Variants in RELN observed in about 807,000 individuals in gnomAD.
The protein encoded by RELN is reelin.
RELN carries 108 observed loss-of-function variants against 427.6 expected under a neutral mutation model. The ratio of observed to expected loss-of-function variants is 0.25; its 90% CI spans 0.22 to 0.30. The LOEUF (loss-of-function observed/expected upper bound fraction) is 0.30, where lower values mean the gene tolerates loss of function less well. Ranked by LOEUF, RELN falls within the 10% of genes least tolerant of loss-of-function variation. The pLI is 1.00. For synonymous variants in RELN, 1,524 were observed against 1,513.4 expected, an observed-to-expected ratio of 1.01 and a Z score of -0.16; for missense variants, 3,715 against 4,302.8, an observed-to-expected ratio of 0.86 and a Z score of 3.82.
At chr7:103,910,470 C>T (rs1795339841) in intron 2 of RELN, among the ~76,000 whole-genome samples, 1 of 151,918 alleles carries the variant, frequency 6.6e-6, no homozygotes, top group African/African-American at 2.4e-5. Context: ...GTGGTGAGAT[C>T]ATGACTTTCT....
chr7:103,865,991 A>T (rs1584311700), intron 2 of RELN, among the ~76,000 whole-genome samples: 1 of 152,286 alleles, frequency 6.6e-6, no homozygotes, highest in Admixed American at 6.5e-5. Flanking sequence ...AACCTTGATC[A>T]ATGTACCTAA....
chr7:103,830,673 A>C (rs1427281631), intron 3 of RELN, among the ~76,000 whole-genome samples: 1 of 152,054 alleles, frequency 6.6e-6, no homozygotes, highest in Non-Finnish European at 1.5e-5. Flanking sequence ...AAAGGTAAAA[A>C]ATTGCAAGAA....
intron 20 of RELN, among the ~76,000 whole-genome samples, chr7:103,622,904 T>C (rs1584353240): frequency 1.3e-5 from 2 of 152,314 alleles, no homozygotes; most frequent in Admixed American, 1.3e-4. Flanking sequence ...CAACACTAAT[T>C]GCTACACTTT....
intron 6 of RELN, among the ~76,000 whole-genome samples, chr7:103,732,646 T>A (rs1463164800): frequency 2.0e-5 from 3 of 152,116 alleles, no homozygotes; most frequent in Non-Finnish European, 4.4e-5. Context: ...AACTTATGGA[T>A]ATAAATAAAC....
At chr7:103,527,841 G>A (rs1829855332) in intron 46 of RELN, among the ~76,000 whole-genome samples, 1 of 152,186 alleles carries the variant, frequency 6.6e-6, no homozygotes, top group Non-Finnish European at 1.5e-5. Context: ...AACATCATCA[G>A]CCTTTAGGGA....
intron 4 of RELN, among the ~76,000 whole-genome samples, chr7:103,756,241 T>C (rs1281137935): frequency 1.3e-5 from 2 of 152,166 alleles, no homozygotes; most frequent in South Asian, 2.1e-4. Flanking sequence ...AACATATACA[T>C]CACAATCAGC....
chr7:103,512,963 C>T (rs1334747481), intron 50 of RELN: 5 of 152,116 alleles, frequency 3.3e-5, no homozygotes, highest in East Asian at 1.9e-4. Flanking sequence ...GTATATATGC[C>T]GCACAACAAG....
At chr7:103,598,653 A>G (rs1275266649) in intron 24 of RELN, among the ~76,000 whole-genome samples, 2 of 152,244 alleles carry the variant, frequency 1.3e-5, no homozygotes, top group Non-Finnish European at 2.9e-5. Context: ...TTTTGAAAGA[A>G]TGTTTTGTGA....
intron 19 of RELN, among the ~76,000 whole-genome samples, chr7:103,631,821 T>C (rs868314076): frequency 6.6e-6 from 1 of 152,064 alleles, no homozygotes. Flanking sequence ...AAATAAACTA[T>C]ATTTAAACTG....
At position 103,558,065 on chromosome 7, in the gene RELN, T is replaced by C. The variant is rs1830564198; in HGVS notation, c.5530-16A>G. On this transcript the variant is annotated splice_polypyrimidine_tract_variant and intron_variant, in intron 36 of 64. Coordinates refer to ENST00000428762, the MANE Select transcript of RELN (RefSeq NM_005045.4). ...TTAGTCCTTCCTGAAAATAAAAACA[T>C]ATACGTTAAGCAACTTTTTTTCACT... 1 of 1,348,466 alleles carries C rather than the reference T, an allele frequency of 7.4e-7. No homozygotes were observed. The highest frequency in any genetic ancestry group is 2.3e-5 in the East Asian group (1 of 43,454). The allele number at this position is 1,348,466 out of a possible 1,614,324, so 83.5% of individuals were successfully genotyped here.
chr7:103,561,471 G>A (rs1830639437), intron 36 of RELN, 61 bp downstream of exon 36: 1 of 1,234,866 alleles, frequency 8.1e-7, no homozygotes, highest in African/African-American at 1.5e-5. Flanking sequence ...GTGTTGAGCA[G>A]TGACTGAAGA....
intron 2 of RELN, among the ~76,000 whole-genome samples, chr7:103,905,864 T>C (rs967404399): frequency 7.3e-5 from 11 of 151,426 alleles, no homozygotes; most frequent in African/African-American, 2.7e-4. Context: ...TCCACGGAGG[T>C]AGCGGGAAGG....
intron 9 of RELN, among the ~76,000 whole-genome samples, chr7:103,700,092 A>C (rs1158378511): frequency 6.6e-6 from 1 of 152,116 alleles, no homozygotes; most frequent in Admixed American, 6.6e-5. Context: ...GTAGAAAAAA[A>C]GAGAGCTGTC....
chr7:103,678,414 T>C (rs1346255180), intron 11 of RELN, among the ~76,000 whole-genome samples: 1 of 152,200 alleles, frequency 6.6e-6, no homozygotes, highest in African/African-American at 2.4e-5. Flanking sequence ...CAGATGTGTC[T>C]TCTTTAGAAA....
At chr7:103,651,820 G>T (rs1386653074) in intron 14 of RELN, 31 bp from the exon 15 acceptor site, 2 of 1,607,366 alleles carry the variant, frequency 1.2e-6, no homozygotes, top group Admixed American at 1.7e-5. Flanking sequence ...ACACACAAAA[G>T]GTGGGGAGGG....
At chr7:103,473,608 C>T (rs1827931847) in intron 64 of RELN, among the ~76,000 whole-genome samples, 3 of 152,114 alleles carry the variant, frequency 2.0e-5, no homozygotes, top group Admixed American at 2.0e-4. Flanking sequence ...TGTATGTTTT[C>T]CCCCACATAT....
intron 63 of RELN, 29 bp from the exon 64 acceptor site, chr7:103,478,423 T>C: frequency 1.3e-6 from 1 of 752,220 alleles, no homozygotes; most frequent in South Asian, 1.4e-5. Context: ...CAGCAAATAA[T>C]GAAATATAAC....
chr7:103,889,180 A>G (rs1794790454), intron 2 of RELN, among the ~76,000 whole-genome samples: 2 of 152,214 alleles, frequency 1.3e-5, no homozygotes, highest in South Asian at 4.1e-4. Context: ...CTAAGATCCC[A>G]GACTGCTTTA....
chr7:103,476,904 T>C (rs1333143924), intron 64 of RELN, among the ~76,000 whole-genome samples: 1 of 152,204 alleles, frequency 6.6e-6, no homozygotes, highest in Non-Finnish European at 1.5e-5. Flanking sequence ...GATTTATTTA[T>C]TCACTGCAAT....
Sources: allele counts gnomAD v4.1 joint callset (sites outside exome capture counted in the v4.1 genomes callset), GRCh38; gene constraint gnomAD v4.1.1; transcripts MANE v1.5; gene names NCBI Gene and HGNC (gene_info 2026-07-23, HGNC 2026-07-21).